The following DOCK9 variants were observed in gnomAD, a reference collection of about 807,000 sequenced individuals.
DOCK9 encodes the protein dedicator of cytokinesis 9.
A neutral mutation model predicts 263.3 loss-of-function variants in DOCK9; 89 were observed. The observed-to-expected ratio is 0.34, with a 90% CI of 0.28 to 0.40. DOCK9 has a LOEUF of 0.40. Ranked by LOEUF, DOCK9 falls within the 10% of genes least tolerant of loss-of-function variation. The pLI, the probability that DOCK9 is intolerant of heterozygous loss-of-function variation, is 1.00. For synonymous variants in DOCK9, 976 were observed against 973.1 expected, an observed-to-expected ratio of 1.00 and a Z score of -0.06; for missense variants, 2,140 against 2,603.4, an observed-to-expected ratio of 0.82 and a Z score of 3.87.
chr13:98,931,980 A>T (rs565776359), intron 2 of DOCK9, among the ~76,000 whole-genome samples: 11 of 148,400 alleles, frequency 7.4e-5, no homozygotes, highest in Non-Finnish European at 1.6e-4. Context: ...TCCCATCTCA[A>T]CCTCCCAAAG....
chr13:98,863,929 C>T (rs2093947992), intron 30 of DOCK9, among the ~76,000 whole-genome samples: 1 of 152,110 alleles, frequency 6.6e-6, no homozygotes, highest in African/African-American at 2.4e-5. Context: ...TACTAGCTAA[C>T]AGAACTGTAT....
At chr13:98,883,486 A>C (rs1303601209) in intron 22 of DOCK9, among the ~76,000 whole-genome samples, 1 of 152,162 alleles carries the variant, frequency 6.6e-6, no homozygotes, top group Non-Finnish European at 1.5e-5. Context: ...GGCTAAAGTG[A>C]TCTGCCCACC....
At chr13:98,873,848 A>G (rs936859336) in intron 27 of DOCK9, among the ~76,000 whole-genome samples, 4 of 152,218 alleles carry the variant, frequency 2.6e-5, no homozygotes, top group Non-Finnish European at 5.9e-5. Flanking sequence ...AGCCCTAAGC[A>G]TATGACATCC....
chr13:99,066,916 C>G (rs1200747842), intron 1 of DOCK9, among the ~76,000 whole-genome samples: 1 of 152,212 alleles, frequency 6.6e-6, no homozygotes, highest in Non-Finnish European at 1.5e-5. Context: ...TATCCTATCA[C>G]TACTCCCATG....
At chr13:98,804,128 C>G (rs564213216) in intron 49 of DOCK9, among the ~76,000 whole-genome samples, 1 of 152,212 alleles carries the variant, frequency 6.6e-6, no homozygotes, top group Non-Finnish European at 1.5e-5. Flanking sequence ...ACCCCAACTT[C>G]CGGGGAGCAG....
In DOCK9 at chr13:98,797,127, G is replaced by T. The variant is rs1185450133; in HGVS notation, c.6144C>A (p.Ile2048=). ...YREMAKELSE[I]MHEQICPLEE... ...GTGCGGCCCTCACCTGCTCATGCAT[G>T]ATTTCAGAAAGCTCCTTCGCCATTT... Residue 2048 remains isoleucine, a synonymous_variant, in exon 52 of 53, where the codon ATC becomes ATA. Coordinates refer to ENST00000682017, the MANE Select transcript of DOCK9 (RefSeq NM_001366683.2). 1.2e-6 allele frequency: 2 copies of T among 1,614,004 alleles called. No individual in the cohort carries two copies. The highest frequency in any genetic ancestry group is 2.7e-5 in the African/African-American group (2 of 75,048).
chr13:98,963,946 T>C (rs1222932057), intron 1 of DOCK9, among the ~76,000 whole-genome samples: 1 of 152,234 alleles, frequency 6.6e-6, no homozygotes, highest in Non-Finnish European at 1.5e-5. Flanking sequence ...TTGTCAAGTT[T>C]GCAGGAAGGA....
chr13:98,910,498 C>T (rs764503551), intron 9 of DOCK9, among the ~76,000 whole-genome samples: 4 of 152,152 alleles, frequency 2.6e-5, no homozygotes, highest in Non-Finnish European at 5.9e-5. Flanking sequence ...CCTGGGTTTA[C>T]ATCACTCACA....
At chr13:98,807,604 A>C in intron 48 of DOCK9, 57 bp downstream of exon 48, 1 of 1,401,406 alleles carries the variant, frequency 7.1e-7, no homozygotes, top group Non-Finnish European at 9.6e-7. Flanking sequence ...AAAATATATA[A>C]TATGTAATCA....
chr13:98,932,359 C>T (rs2054091685), intron 2 of DOCK9, among the ~76,000 whole-genome samples: 1 of 152,174 alleles, frequency 6.6e-6, no homozygotes, highest in African/African-American at 2.4e-5. Context: ...GGTGCCACTG[C>T]ATTCCAGCCT....
intron 1 of DOCK9, among the ~76,000 whole-genome samples, chr13:98,993,927 A>G (rs1288015881): frequency 1.3e-5 from 2 of 152,234 alleles, no homozygotes; most frequent in Non-Finnish European, 2.9e-5. Flanking sequence ...AAAAAATATT[A>G]TGACATTACT....
At position 99,078,283 on chromosome 13, in the gene DOCK9, A is replaced by T. The variant is rs1413113365; in HGVS notation, c.129+7940T>A. 2.0e-5 allele frequency among the ~76,000 whole-genome samples: 3 copies of T among 152,194 alleles called. No individual in the cohort carries two copies. In the East Asian group the frequency reaches 5.8e-4, roughly 29 times the overall value. ...GAGGTGGTGCCCCCCTTCGGAGTGA[A>T]GGGAAACAATTAAATTCTATAAACC... On this transcript the variant is annotated intron_variant, in intron 1 of 32. Transcript: ENST00000427887.
At chr13:98,970,582 G>A (rs1259979446) in intron 1 of DOCK9, among the ~76,000 whole-genome samples, 1 of 152,138 alleles carries the variant, frequency 6.6e-6, no homozygotes, top group Non-Finnish European at 1.5e-5. Flanking sequence ...AGCAGAATAC[G>A]AGACTGGCTC....
chr13:98,809,389 A>T lies in DOCK9; in HGVS notation c.5330T>A (p.Leu1777His), dbSNP rs768087817. Residue 1777 changes from leucine to histidine, a missense_variant, in exon 47 of 53, where the codon CTT becomes CAT. Transcript: ENST00000682017. Reference protein sequence around the residue: ...VTEVMHSGRRLLGTYFRVAFF... With the variant: ...VTEVMHSGRRHLGTYFRVAFF... ...GGCTACCCGGAAGTAGGTCCCCAGA[A>T]GCCTGCGGCCCGAGTGCATGACCTC... is the stretch of plus-strand genomic sequence containing the variant. 2 of 1,613,784 alleles carry T rather than the reference A, an allele frequency of 1.2e-6. No individual in the cohort carries two copies. Among genetic ancestry groups the T allele is most frequent in the Non-Finnish European group, 1.7e-6 (2 of 1,179,884 alleles).
Position 98,855,976 on chromosome 13 carries a change from C to T in DOCK9, c.3753G>A (p.Ser1251=), listed in dbSNP as rs766910695. ...AATCTGTGCTTATGAGAGATCCTCT[C>T]GAATCAGCATTTCTCACACTGTTGA... The part of the protein sequence containing the change: ...PNINSVRNAD[S]RGSLISTDSG... Residue 1251 remains serine (S), a synonymous_variant, in exon 34 of 53, where the codon TCG becomes TCA. Coordinates refer to ENST00000682017, the MANE Select transcript of DOCK9 (RefSeq NM_001366683.2). The T allele has an allele frequency of 1.6e-5, 26 of 1,613,816 alleles. No individual in the cohort carries two copies. The East Asian group carries it at 2.0e-4, about 12-fold the overall frequency.
intron 14 of DOCK9, 125 bp from the exon 15 acceptor site, chr13:98,897,735 A>C: frequency 3.8e-6 from 5 of 1,331,750 alleles, no homozygotes; most frequent in Non-Finnish European, 5.1e-6. Context: ...CAGAAATCTC[A>C]TTATCTAAAA....
At chr13:98,897,952 C>G (rs1029810870) in intron 14 of DOCK9, among the ~76,000 whole-genome samples, 1 of 152,228 alleles carries the variant, frequency 6.6e-6, no homozygotes, top group Non-Finnish European at 1.5e-5. Context: ...CCCAGCTCTG[C>G]AGCTAACACT....
chr13:98,852,902 T>A (rs2141591493), intron 35 of DOCK9, among the ~76,000 whole-genome samples: 1 of 152,292 alleles, frequency 6.6e-6, no homozygotes, highest in Admixed American at 6.5e-5. Flanking sequence ...GATACTACCA[T>A]TTCCATTAGA....
At chr13:98,800,540 GATT>G (rs772469196) in intron 49 of DOCK9, 62 bp from the exon 50 acceptor site, 16 of 1,548,162 alleles carry the variant, frequency 1.0e-5, no homozygotes, top group South Asian at 4.8e-5. Flanking sequence ...TTATTGAGCT[GATT>G]ATTATTAGAA....
Sources: gnomAD v4.1 joint callset for allele counts (sites outside exome capture counted in the v4.1 genomes callset) on GRCh38, gnomAD v4.1.1 for gene constraint, MANE v1.5 for transcripts, NCBI Gene and HGNC (gene_info 2026-07-23, HGNC 2026-07-21) for gene names.